CPEB3: variants seen among roughly 807,000 people sequenced by gnomAD.
The protein encoded by CPEB3 is cytoplasmic polyadenylation element-binding protein 3.
Under a neutral mutation model 67.2 loss-of-function variants are expected in CPEB3, and 20 were observed. The observed-to-expected ratio is 0.30, with a 90% CI of 0.21 to 0.43. The LOEUF is 0.43. Ranked by LOEUF, CPEB3 falls within the 20% of genes least tolerant of loss-of-function variation. CPEB3 has a pLI of 1.00. For synonymous variants in CPEB3, 376 were observed against 393.1 expected (o/e 0.96, Z 0.51); for missense variants, 746 against 968.6 (o/e 0.77, Z 3.05).
intron 7 of CPEB3, among the ~76,000 whole-genome samples, chr10:92,092,546 G>T (rs1309207518): frequency 6.6e-6 from 1 of 152,214 alleles, no homozygotes; most frequent in African/African-American, 2.4e-5. Flanking sequence ...TTGGGAGGCT[G>T]AGGCAGGTGG....
intron 6 of CPEB3, among the ~76,000 whole-genome samples, chr10:92,142,813 G>A (rs1183648319): frequency 6.6e-6 from 1 of 152,154 alleles, no homozygotes. Flanking sequence ...GGGTCTCACT[G>A]TCAATAAAAT....
At chr10:92,281,402 T>C (rs1324496104) in intron 1 of CPEB3, among the ~76,000 whole-genome samples, 1 of 151,918 alleles carries the variant, frequency 6.6e-6, no homozygotes, top group Non-Finnish European at 1.5e-5. Context: ...CTTTTTAAAA[T>C]TGTTCAGTTG....
chr10:92,122,405 G>A (rs1845430702), intron 6 of CPEB3, among the ~76,000 whole-genome samples: 3 of 152,208 alleles, frequency 2.0e-5, no homozygotes, highest in African/African-American at 7.2e-5. Flanking sequence ...AAGAGTTGAA[G>A]CAGCTCATCA....
At chr10:92,093,924 G>C (rs902445623) in intron 7 of CPEB3, among the ~76,000 whole-genome samples, 5 of 152,008 alleles carry the variant, frequency 3.3e-5, no homozygotes, top group African/African-American at 4.8e-5. Flanking sequence ...GCATGATCTC[G>C]GCTCACTGCA....
intron 1 of CPEB3, among the ~76,000 whole-genome samples, chr10:92,254,852 AT>A (rs901630197): frequency 6.6e-6 from 1 of 150,604 alleles, no homozygotes; most frequent in African/African-American, 2.4e-5. Flanking sequence ...CCTTTTCCTT[AT>A]TTTTTTATTT....
chr10:92,203,192 C>T (rs1031023301), intron 2 of CPEB3, among the ~76,000 whole-genome samples: 3 of 151,394 alleles, frequency 2.0e-5, no homozygotes, highest in Admixed American at 6.6e-5. Context: ...CTACCCACTT[C>T]GGCCTCCCAA....
chr10:92,137,722 GGT>G (rs1846172994), intron 6 of CPEB3: 11 of 408,956 alleles, frequency 2.7e-5, no homozygotes, highest in Admixed American at 1.6e-4. Flanking sequence ...GGCTCGGCTG[GGT>G]GCAGTGGCTC....
Position 92,240,168 on chromosome 10 carries a change from G to A in CPEB3, c.183C>T (p.Ala61=), listed in dbSNP as rs753959123. The A allele has an allele frequency of 3.8e-5, 58 of 1,543,970 alleles. No homozygotes were observed. Among genetic ancestry groups the A allele is most frequent in the Non-Finnish European group, 4.5e-5 (52 of 1,143,148 alleles). Residue 61 remains alanine, a synonymous_variant, in exon 2 of 10, where the codon GCC becomes GCT. Coordinates refer to ENST00000265997, the MANE Select transcript of CPEB3 (RefSeq NM_014912.5). ...SAVPALSPAA[A]PPAPNGPDKM... ...TGTCCGGGCCGTTGGGGGCCGGGGGGGCAGCGGCTGGGCTGAGGGCCGGCA... is the reference window on the plus strand; with the variant it reads ...TGTCCGGGCCGTTGGGGGCCGGGGGAGCAGCGGCTGGGCTGAGGGCCGGCA...
chr10:92,281,600 T>C (rs1437823792), intron 1 of CPEB3, among the ~76,000 whole-genome samples: 1 of 152,180 alleles, frequency 6.6e-6, no homozygotes. Flanking sequence ...ACCAGTTCAG[T>C]TTGCATCTTA....
Position 92,266,788 on chromosome 10 carries a change from C to A in CPEB3, c.-12+24138G>T, listed in dbSNP as rs182786462. Among the ~76,000 whole-genome samples the A allele has an allele frequency of 1.3e-4, 20 of 152,262 alleles. No individual in the cohort carries two copies. The East Asian group carries it at 3.7e-3, about 28-fold the overall frequency. On this transcript the variant is annotated intron_variant, in intron 1 of 9. Transcript: ENST00000265997. The stretch of plus-strand genomic sequence containing the variant: ...GTGGCTCACGCCTGTAATCCCAGCA[C>A]TTTGGGAGGCTGAGGTGGGCAGATC...
At chr10:92,220,108 T>C (rs1330898434) in intron 2 of CPEB3, among the ~76,000 whole-genome samples, 1 of 151,978 alleles carries the variant, frequency 6.6e-6, no homozygotes, top group Non-Finnish European at 1.5e-5. Context: ...TGAGCGGAGA[T>C]TGGGCCACTG....
chr10:92,102,348 G>C (rs1844231109), intron 7 of CPEB3, among the ~76,000 whole-genome samples: 1 of 152,150 alleles, frequency 6.6e-6, no homozygotes, highest in Non-Finnish European at 1.5e-5. Flanking sequence ...AGTAGAAATA[G>C]AAAATCTTCA....
At chr10:92,150,427 C>G (rs535406162) in intron 4 of CPEB3, among the ~76,000 whole-genome samples, 1 of 152,194 alleles carries the variant, frequency 6.6e-6, no homozygotes, top group East Asian at 1.9e-4. Flanking sequence ...AAGGACTATT[C>G]CGTTAATAAA....
intron 2 of CPEB3, chr10:92,216,299 C>T: frequency 6.4e-7 from 1 of 1,563,910 alleles, no homozygotes; most frequent in Non-Finnish European, 8.7e-7. Context: ...GGCTGGGCAG[C>T]CTCCCTGGGA....
intron 2 of CPEB3, among the ~76,000 whole-genome samples, chr10:92,207,459 C>T (rs575124626): frequency 5.9e-5 from 9 of 152,304 alleles, no homozygotes; most frequent in African/African-American, 9.6e-5. Flanking sequence ...TTGACTCAGA[C>T]ACTTTGTATG....
chr10:92,151,251 G>T (rs935759387), intron 4 of CPEB3, among the ~76,000 whole-genome samples: 1 of 152,100 alleles, frequency 6.6e-6, no homozygotes, highest in African/African-American at 2.4e-5. Context: ...TCCCACCAAG[G>T]CCTCTGCCAT....
intron 4 of CPEB3, among the ~76,000 whole-genome samples, chr10:92,167,330 C>T (rs1237637762): frequency 1.3e-5 from 2 of 152,198 alleles, no homozygotes; most frequent in Non-Finnish European, 2.9e-5. Context: ...AGCTTTTAGC[C>T]TGTCTCAGCT....
chr10:92,058,000 A>G lies in CPEB3; in HGVS notation c.1870-5561T>C, dbSNP rs148254352. ...GTATAAATAAGCCCAGACAGTGAAGACTACAACGAATATCTAATTCTTCAA... is the reference window on the plus strand; with the variant it reads ...GTATAAATAAGCCCAGACAGTGAAGGCTACAACGAATATCTAATTCTTCAA... On this transcript the variant is annotated intron_variant, in intron 9 of 9. Coordinates refer to ENST00000265997, the MANE Select transcript of CPEB3 (RefSeq NM_014912.5). Among the ~76,000 whole-genome samples the G allele has an allele frequency of 5.3e-4, 80 of 152,292 alleles. 1 individual carries two copies. Among genetic ancestry groups the G allele is most frequent in the Non-Finnish European group, 2.1e-4 (14 of 68,016 alleles).
At position 92,239,830 on chromosome 10, in the gene CPEB3, TGCGGCGCGGGCGCAGGCGGCG is replaced by T; in HGVS notation, c.500_520del (p.Pro167_Pro173del). ...TGGTGGCTGCGCTGGCTGTGCCGGCTGCGGCGCGGGCGCAGGCGGCGGCGGCTGCTGGTGGTGCTGGGTCTG... is the reference window on the plus strand; with the variant it reads ...TGGTGGCTGCGCTGGCTGTGCCGGCTGCGGCTGCTGGTGGTGCTGGGTCTG... On this transcript the variant is annotated inframe_deletion, in exon 2 of 10. Transcript: ENST00000265997. This position sits in a 1 kb window ranked among gnomAD's most constrained non-coding sequence, Gnocchi z 6.0. The T allele has an allele frequency of 6.7e-7, 1 of 1,481,816 alleles. No homozygotes were observed. The highest frequency in any genetic ancestry group is 9.0e-7 in the Non-Finnish European group (1 of 1,116,780). 91.8% of individuals were successfully genotyped at this position (1,481,816 alleles called of 1,614,324 possible). A position where few individuals can be genotyped will look rare whatever the true frequency, so the allele number is the denominator to read the frequency against.
Sources: allele counts gnomAD v4.1 joint callset (sites outside exome capture counted in the v4.1 genomes callset), GRCh38; gene constraint gnomAD v4.1.1; non-coding constraint Gnocchi (gnomAD v3.1); transcripts MANE v1.5; gene names NCBI Gene and HGNC (gene_info 2026-07-23, HGNC 2026-07-21).